TMEM132B: variants seen among roughly 807,000 people sequenced by gnomAD.
TMEM132B encodes transmembrane protein 132B.
Under a neutral mutation model 90.8 loss-of-function variants are expected in TMEM132B, and 18 were observed. The ratio of observed to expected loss-of-function variants is 0.20; its 90% CI spans 0.14 to 0.29. The LOEUF (loss-of-function observed/expected upper bound fraction) is 0.29. Among genes scored for constraint, TMEM132B ranks in the 10% least tolerant of loss-of-function variants. The pLI is 1.00. For synonymous variants in TMEM132B, 504 were observed against 523.3 expected, an observed-to-expected ratio of 0.96 and a Z score of 0.50; for missense variants, 1,096 against 1,326.8, an observed-to-expected ratio of 0.83 and a Z score of 2.70.
intron 2 of TMEM132B, among the ~76,000 whole-genome samples, chr12:125,412,693 G>A (rs975600340): frequency 6.6e-6 from 1 of 152,168 alleles, no homozygotes; most frequent in Non-Finnish European, 1.5e-5. Flanking sequence ...AGCAAGTACC[G>A]ATAGGAAGGA....
rs1056503907 is a variant in TMEM132B at position 125,657,877 on chromosome 12, T to C, written c.*3167T>C. ...ACGACCAGCGTATGACCTGGAACCA[T>C]TGAGGATTGCAACCGCTGCCTCCAG... On this transcript the variant is annotated 3_prime_UTR_variant, in exon 9 of 9. Transcript: ENST00000682704. 1 of 152,252 alleles carries C rather than the reference T, an allele frequency of 6.6e-6. No individual in the cohort carries two copies. Among genetic ancestry groups the C allele is most frequent in the Non-Finnish European group, 1.5e-5 (1 of 68,058 alleles). The allele number at this position is 152,252 out of a possible 1,614,324, so 9.4% of individuals were successfully genotyped here. A position where few individuals can be genotyped will look rare whatever the true frequency, so the allele number is the denominator to read the frequency against.
intron 1 of TMEM132B, among the ~76,000 whole-genome samples, chr12:125,291,612 T>A (rs1385388913): frequency 2.0e-5 from 3 of 152,174 alleles, no homozygotes; most frequent in Admixed American, 2.0e-4. Context: ...GCCAGCAACC[T>A]GAGTGATCTT....
Position 125,490,209 on chromosome 12 carries a change from A to G in TMEM132B, c.1107-29230A>G, listed in dbSNP as rs191060613. ...AGGTACTGTGTTGAATACTTTACAT[A>G]TATTACTAATTAAATTCTCATATAA... On this transcript the variant is annotated intron_variant, in intron 3 of 8. Coordinates refer to ENST00000682704, the MANE Select transcript of TMEM132B (RefSeq NM_001366854.1). This position sits in a 1 kb window ranked among gnomAD's most constrained non-coding sequence, Gnocchi z 4.2. Among the ~76,000 whole-genome samples the G allele has an allele frequency of 6.6e-5, 10 of 152,228 alleles. No individual in the cohort carries two copies. Among genetic ancestry groups the G allele is most frequent in the Admixed American group, 5.9e-4 (9 of 15,300 alleles).
chr12:125,307,223 C>G (rs760963472), intron 1 of TMEM132B, among the ~76,000 whole-genome samples: 5 of 152,168 alleles, frequency 3.3e-5, no homozygotes, highest in Non-Finnish European at 5.9e-5. Flanking sequence ...CTTTTTCCCA[C>G]TAAACCCATC....
intron 1 of TMEM132B, among the ~76,000 whole-genome samples, chr12:125,254,755 C>T (rs1874397467): frequency 6.7e-6 from 1 of 150,052 alleles, no homozygotes; most frequent in African/African-American, 2.5e-5. Context: ...ACAATCTCAG[C>T]TCACTGCAAC....
chr12:125,231,053 C>T (rs1172016892), intron 1 of TMEM132B, among the ~76,000 whole-genome samples: 5 of 152,090 alleles, frequency 3.3e-5, no homozygotes, highest in Admixed American at 3.3e-4. Context: ...ATTCAGAAAC[C>T]AAGTTTTTGG....
chr12:125,286,517 A>G lies in TMEM132B; in HGVS notation c.68-62935A>G, dbSNP rs80146859. Reference sequence around the variant, plus strand: ...ATATAATAAAATAATAAATATTAGTATAATAAAATAATAAATATTAGTTTT... The same window carrying G: ...ATATAATAAAATAATAAATATTAGTGTAATAAAATAATAAATATTAGTTTT... On this transcript the variant is annotated intron_variant, in intron 1 of 8. Coordinates refer to ENST00000682704, the MANE Select transcript of TMEM132B (RefSeq NM_001366854.1). Among the ~76,000 whole-genome samples the G allele has an allele frequency of 6.3e-4, 96 of 152,042 alleles. 1 individual carries two copies. The East Asian group carries it at 0.016, about 26-fold the overall frequency.
At chr12:125,423,466 T>C (rs376676) in intron 3 of TMEM132B, among the ~76,000 whole-genome samples, 147,187 of 152,250 alleles carry the variant, frequency 0.97, 71,350 homozygotes, top group East Asian at 1. Flanking sequence ...CAGAGTCCTA[T>C]AAGAAATGGA....
intron 3 of TMEM132B, among the ~76,000 whole-genome samples, chr12:125,452,007 T>C (rs1354853346): frequency 6.6e-6 from 1 of 152,214 alleles, no homozygotes. Context: ...CTTCTTCCAC[T>C]TTGTGGGCTC....
In TMEM132B at chr12:125,646,988, G is replaced by A. The variant is rs7955344; in HGVS notation, c.1643+2707G>A. Among the ~76,000 whole-genome samples the A allele has an allele frequency of 3.4e-3, 512 of 152,192 alleles. 3 individuals carry two copies. The highest frequency in any genetic ancestry group is 0.011 in the African/African-American group (472 of 41,524). On this transcript the variant is annotated intron_variant, in intron 6 of 8. Coordinates refer to ENST00000682704, the MANE Select transcript of TMEM132B (RefSeq NM_001366854.1). The stretch of plus-strand genomic sequence containing the variant: ...AAATAGCCTTGGAACCAATTAAAAT[G>A]GAAAATATCTCAGCAAGGAAATATA...
At chr12:125,563,147 GTAA>G (rs143547141) in intron 4 of TMEM132B, among the ~76,000 whole-genome samples, 58,416 of 138,014 alleles carry the variant, frequency 0.42, 13,132 homozygotes, top group Middle Eastern at 0.64. Context: ...ACCATAATGC[GTAA>G]TAATAATAAT....
At chr12:125,428,309 T>C (rs1880390322) in intron 3 of TMEM132B, among the ~76,000 whole-genome samples, 1 of 148,224 alleles carries the variant, frequency 6.7e-6, no homozygotes, top group African/African-American at 2.5e-5. Flanking sequence ...TGACTCTTTA[T>C]TTGGCCTTTT....
At chr12:125,640,032 T>C (rs1886589055) in intron 5 of TMEM132B, among the ~76,000 whole-genome samples, 2 of 152,286 alleles carry the variant, frequency 1.3e-5, no homozygotes, top group Non-Finnish European at 2.9e-5. Flanking sequence ...GGGCCACGGC[T>C]GGCTCCCTCA....
At chr12:125,240,717 T>C (rs532632295) in intron 1 of TMEM132B, among the ~76,000 whole-genome samples, 36 of 152,332 alleles carry the variant, frequency 2.4e-4, no homozygotes, top group Middle Eastern at 6.8e-3. Flanking sequence ...TCTTCCGGAC[T>C]GCATCCAGTT....
intron 3 of TMEM132B, among the ~76,000 whole-genome samples, chr12:125,472,314 G>A (rs1006512657): frequency 1.3e-5 from 2 of 152,196 alleles, no homozygotes; most frequent in Admixed American, 6.5e-5. Flanking sequence ...ACTTCTTGTT[G>A]TGATAATCAC....
chr12:125,424,750 T>C (rs570839410), intron 3 of TMEM132B, among the ~76,000 whole-genome samples: 1 of 152,144 alleles, frequency 6.6e-6, no homozygotes, highest in East Asian at 1.9e-4. Context: ...ATTCAGAGAC[T>C]CTTCCTGCAA....
intron 5 of TMEM132B, among the ~76,000 whole-genome samples, chr12:125,591,437 C>T (rs929860016): frequency 6.6e-6 from 1 of 152,174 alleles, no homozygotes; most frequent in African/African-American, 2.4e-5. Flanking sequence ...ACATCGCCTT[C>T]TCTGACTCTG....
At chr12:125,614,468 A>T (rs376151853) in intron 5 of TMEM132B, among the ~76,000 whole-genome samples, 1 of 152,162 alleles carries the variant, frequency 6.6e-6, no homozygotes, top group Admixed American at 6.6e-5. Context: ...ATGGCTGCAT[A>T]GTACTCCATG....
chr12:125,426,448 A>C (rs1593140223), intron 3 of TMEM132B, among the ~76,000 whole-genome samples: 1 of 152,296 alleles, frequency 6.6e-6, no homozygotes, highest in East Asian at 1.9e-4. Flanking sequence ...AAAAAGTTCT[A>C]AAGTTCTAAT....
Sources: gnomAD v4.1 joint callset for allele counts (sites outside exome capture counted in the v4.1 genomes callset) on GRCh38, gnomAD v4.1.1 for gene constraint, Gnocchi (gnomAD v3.1) non-coding constraint, MANE v1.5 for transcripts, NCBI Gene and HGNC (gene_info 2026-07-23, HGNC 2026-07-21) for gene names.